Variants in MTUS2 observed in about 807,000 individuals in gnomAD.
MTUS2 encodes the protein microtubule-associated tumor suppressor candidate 2.
In MTUS2, 40 loss-of-function variants were observed where a neutral mutation model predicts 114.1. The ratio of observed to expected loss-of-function variants is 0.35; its 90% confidence interval spans 0.27 to 0.46. The LOEUF (loss-of-function observed/expected upper bound fraction) is 0.46. Among genes scored for constraint, MTUS2 ranks in the 20% least tolerant of loss-of-function variants. The pLI is 1.00. For missense variants in MTUS2, 1,679 were observed against 1,705.4 expected (o/e 0.98, Z 0.27); for synonymous variants, 688 against 672.0 (o/e 1.02, Z -0.37).
At chr13:29,136,913 C>T (rs1187295408) in intron 5 of MTUS2, among the ~76,000 whole-genome samples, 2 of 152,174 alleles carry the variant, frequency 1.3e-5, no homozygotes, top group Non-Finnish European at 2.9e-5. Flanking sequence ...AAGTAAGCCT[C>T]AGCCTGTGGG....
intron 10 of MTUS2, chr13:29,484,205 G>A (rs1294122018): frequency 2.0e-5 from 3 of 152,224 alleles, no homozygotes; most frequent in African/African-American, 7.2e-5. Flanking sequence ...GCTTTCGTAA[G>A]GAAATCATTT....
chr13:28,996,865 A>AT (rs983270949), intron 2 of MTUS2, among the ~76,000 whole-genome samples: 7 of 151,886 alleles, frequency 4.6e-5, no homozygotes, highest in Non-Finnish European at 5.9e-5. Context: ...GGATTCATTG[A>AT]TTTTTTTGAA....
At chr13:28,944,634 A>G (rs192344291) in intron 2 of MTUS2, among the ~76,000 whole-genome samples, 13 of 152,188 alleles carry the variant, frequency 8.5e-5, no homozygotes, top group African/African-American at 3.1e-4. Flanking sequence ...TTTATTAAGT[A>G]TCTGTGTTTT....
intron 2 of MTUS2, among the ~76,000 whole-genome samples, chr13:28,910,645 T>A (rs1431377040): frequency 3.3e-5 from 5 of 152,048 alleles, no homozygotes; most frequent in Non-Finnish European, 7.4e-5. Flanking sequence ...GGTTTTCTGT[T>A]CCTGTGTTAG....
chr13:29,256,049 G>A (rs1042424872), intron 5 of MTUS2, among the ~76,000 whole-genome samples: 34 of 152,210 alleles, frequency 2.2e-4, no homozygotes, highest in African/African-American at 7.7e-4. Context: ...ACAGGCATCC[G>A]TACTCTGGTC....
intron 5 of MTUS2, among the ~76,000 whole-genome samples, chr13:29,215,413 G>A (rs1895634912): frequency 6.7e-6 from 1 of 149,826 alleles, no homozygotes; most frequent in African/African-American, 2.5e-5. Context: ...TGCTGGTGAG[G>A]AATTGTGATC....
intron 6 of MTUS2, among the ~76,000 whole-genome samples, chr13:29,285,719 A>G (rs1354092795): frequency 1.3e-5 from 2 of 152,162 alleles, no homozygotes; most frequent in South Asian, 4.1e-4. Flanking sequence ...ACAAATAAAA[A>G]CCAAACATCT....
chr13:28,952,946 T>C (rs543637753), intron 2 of MTUS2, among the ~76,000 whole-genome samples: 1 of 152,382 alleles, frequency 6.6e-6, no homozygotes, highest in African/African-American at 2.4e-5. Context: ...CAGTGGGATC[T>C]CATTAAAATG....
At chr13:29,340,654 T>A (rs1168726017) in intron 7 of MTUS2, among the ~76,000 whole-genome samples, 11 of 152,216 alleles carry the variant, frequency 7.2e-5, no homozygotes, top group African/African-American at 2.2e-4. Flanking sequence ...TTTTATTTTT[T>A]AAAATTATTT....
At chr13:29,066,789 C>A (rs1240392871) in intron 4 of MTUS2, among the ~76,000 whole-genome samples, 1 of 152,210 alleles carries the variant, frequency 6.6e-6, no homozygotes, top group African/African-American at 2.4e-5. Flanking sequence ...ATCAGTAATT[C>A]ATTAGGAAGA....
At chr13:29,468,382 C>T (rs1313408563) in intron 9 of MTUS2, among the ~76,000 whole-genome samples, 1 of 152,086 alleles carries the variant, frequency 6.6e-6, no homozygotes, top group Non-Finnish European at 1.5e-5. Context: ...AGTTCTAGAC[C>T]AGCCTGGCCA....
At position 28,841,740 on chromosome 13, in the gene MTUS2, G is replaced by A. The variant is rs964401352; in HGVS notation, c.-243+1890G>A. On this transcript the variant is annotated intron_variant, in intron 2 of 15. Transcript: ENST00000612955. ...CTCACTCTGTCGCCCAGGTTGGAGT[G>A]CAGCGGCGTGATCTCCGCTCACTGC... is the stretch of plus-strand genomic sequence containing the variant. Among the ~76,000 whole-genome samples the A allele has an allele frequency of 4.0e-5, 6 of 151,706 alleles. No homozygotes were observed. In the East Asian group the frequency reaches 5.8e-4, roughly 15 times the overall value.
At chr13:29,309,568 A>G (rs967782411) in intron 6 of MTUS2, among the ~76,000 whole-genome samples, 2 of 152,180 alleles carry the variant, frequency 1.3e-5, no homozygotes, top group Non-Finnish European at 2.9e-5. Context: ...CATCCTGCAC[A>G]TGTACTCCTG....
intron 2 of MTUS2, among the ~76,000 whole-genome samples, chr13:28,975,219 A>C (rs1272005900): frequency 6.6e-6 from 1 of 152,200 alleles, no homozygotes; most frequent in East Asian, 1.9e-4. Context: ...GATCCTTTCC[A>C]TCCCTAGCAG....
chr13:28,826,947 A>G (rs749699823), intron 1 of MTUS2, among the ~76,000 whole-genome samples: 3 of 152,224 alleles, frequency 2.0e-5, no homozygotes, highest in Non-Finnish European at 4.4e-5. Context: ...GTAATCTCAA[A>G]TCATCCTGAA....
chr13:29,182,335 T>C (rs1894041357), intron 5 of MTUS2, among the ~76,000 whole-genome samples: 1 of 152,234 alleles, frequency 6.6e-6, no homozygotes, highest in South Asian at 2.1e-4. Flanking sequence ...CAGTCTCCAC[T>C]GATGACTGGT....
chr13:29,429,763 A>G (rs1237813818), intron 8 of MTUS2, among the ~76,000 whole-genome samples: 1 of 152,160 alleles, frequency 6.6e-6, no homozygotes, highest in Non-Finnish European at 1.5e-5. Context: ...CCTTCTTCCT[A>G]CTCATGTGGA....
At chr13:29,163,415 T>G (rs1365555204) in intron 5 of MTUS2, among the ~76,000 whole-genome samples, 1 of 152,200 alleles carries the variant, frequency 6.6e-6, no homozygotes, top group Non-Finnish European at 1.5e-5. Context: ...AGCTTTTATT[T>G]ACTTTTTCCA....
intron 11 of MTUS2, among the ~76,000 whole-genome samples, chr13:29,489,169 G>A (rs1428459776): frequency 2.0e-5 from 3 of 152,036 alleles, no homozygotes; most frequent in Admixed American, 6.6e-5. Context: ...TACACGGGAG[G>A]TTGAGGCAGG....
Sources: allele counts gnomAD v4.1 joint callset (sites outside exome capture counted in the v4.1 genomes callset), GRCh38; gene constraint gnomAD v4.1.1; transcripts MANE v1.5; gene names NCBI Gene and HGNC (gene_info 2026-07-23, HGNC 2026-07-21).